The following AKAP13 variants were observed in gnomAD, a reference collection of about 807,000 sequenced individuals.
The protein encoded by AKAP13 is A-kinase anchoring protein 13.
In AKAP13, 80 loss-of-function variants were observed where a neutral mutation model predicts 264.5. The observed-to-expected ratio is 0.30, with a 90% CI of 0.25 to 0.36. The LOEUF is 0.36. Among genes scored for constraint, AKAP13 ranks in the 10% least tolerant of loss-of-function variants. The pLI is 1.00. For missense variants in AKAP13, 3,712 were observed against 3,435.2 expected, an observed-to-expected ratio of 1.08 and a Z score of -2.01; for synonymous variants, 1,380 against 1,250.2, an observed-to-expected ratio of 1.10 and a Z score of -2.19.
chr15:85,549,480 A>G (rs866907442), intron 5 of AKAP13, among the ~76,000 whole-genome samples: 11 of 152,244 alleles, frequency 7.2e-5, no homozygotes, highest in South Asian at 2.1e-4. Flanking sequence ...TTGAATGCCT[A>G]TACTGCACTA....
At chr15:85,619,711 T>C (rs1437893238) in intron 8 of AKAP13, 6 of 1,001,968 alleles carry the variant, frequency 6.0e-6, no homozygotes, top group Non-Finnish European at 7.1e-6. Context: ...CCGTTATGCT[T>C]AGCCAGTTTA....
chr15:85,458,009 G>C (rs1196625234), intron 1 of AKAP13, among the ~76,000 whole-genome samples: 1 of 151,820 alleles, frequency 6.6e-6, no homozygotes, highest in African/African-American at 2.4e-5. Context: ...GTGTGGTGGC[G>C]CCCGCCTGTA....
rs182157883 is a variant in AKAP13, at chr15:85,408,951, C to T, written c.-12+28153C>T. ...ATTTTACATTTCTAACAGCAGTGCA[C>T]AAGTGTTCCAGTTTCTCTGTACCCT... On this transcript the variant is annotated intron_variant, in intron 1 of 36. Coordinates refer to ENST00000394518, the MANE Select transcript of AKAP13 (RefSeq NM_007200.5). 1.1e-3 allele frequency among the ~76,000 whole-genome samples: 170 copies of T among 151,766 alleles called. 6 individuals are homozygous for T. Among genetic ancestry groups the T allele is most frequent in the African/African-American group, 3.9e-3 (160 of 41,070 alleles).
chr15:85,523,906 C>A (rs2076924797), intron 3 of AKAP13, among the ~76,000 whole-genome samples: 1 of 150,406 alleles, frequency 6.6e-6, no homozygotes, highest in South Asian at 2.1e-4. Context: ...TTTTGTGTAC[C>A]AGTTAGCTGC....
chr15:85,533,513 G>C, intron 3 of AKAP13, 71 bp from the exon 4 acceptor site: 1 of 1,436,566 alleles, frequency 7.0e-7, no homozygotes, highest in Non-Finnish European at 9.4e-7. Context: ...TAAGAGCTAA[G>C]AGGATCCACT....
chr15:85,737,616 G>A (rs1007928637), intron 33 of AKAP13, among the ~76,000 whole-genome samples: 9 of 152,130 alleles, frequency 5.9e-5, no homozygotes, highest in African/African-American at 2.2e-4. Flanking sequence ...ATACAGTGGA[G>A]TCCTGAAGGA....
intron 1 of AKAP13, among the ~76,000 whole-genome samples, chr15:85,432,021 A>C (rs2073043768): frequency 6.6e-6 from 1 of 152,230 alleles, no homozygotes; most frequent in Admixed American, 6.5e-5. Flanking sequence ...GAGGCTGTTT[A>C]GATGAGAGGC....
intron 8 of AKAP13, among the ~76,000 whole-genome samples, chr15:85,617,148 A>G (rs2080971782): frequency 6.6e-6 from 1 of 152,224 alleles, no homozygotes; most frequent in African/African-American, 2.4e-5. Flanking sequence ...TGCCTCCACT[A>G]GAAGTCACAA....
At chr15:85,488,221 C>T (rs939875820) in intron 2 of AKAP13, among the ~76,000 whole-genome samples, 7 of 152,160 alleles carry the variant, frequency 4.6e-5, no homozygotes, top group African/African-American at 1.7e-4. Context: ...GCTGTGTTGC[C>T]AGGCTACCTT....
Position 85,749,283 on chromosome 15 carries a change from C to G in AKAP13, c.*4606C>G, listed in dbSNP as rs963139812. The G allele has an allele frequency of 6.6e-6, 1 of 152,136 alleles. No homozygotes were observed. Among genetic ancestry groups the G allele is most frequent in the African/African-American group, 2.4e-5 (1 of 41,424 alleles). 9.4% of individuals were successfully genotyped at this position (152,136 alleles called of 1,614,324 possible). ...CTTCGTATTTTATTTATCTTTCTTT[C>G]TAGTTACCAGCTTCAGACCCTTGTA... is the stretch of plus-strand genomic sequence containing the variant. On this transcript the variant is annotated 3_prime_UTR_variant, in exon 37 of 37. Coordinates refer to ENST00000394518, the MANE Select transcript of AKAP13 (RefSeq NM_007200.5).
Position 85,741,187 on chromosome 15 carries a change from C to G in AKAP13, c.7750C>G (p.Leu2584Val). Residue 2584 changes from leucine to valine, a missense_variant, in exon 35 of 37, where the codon CTG becomes GTG. By Grantham distance (32) the Leu-to-Val change is conservative. Transcript: ENST00000394518. ...QRSLEKQRQDLANLQKQQAQY... is the reference protein window; with the variant it reads ...QRSLEKQRQDVANLQKQQAQY... ...CAGCCTGGAGAAGCAGCGCCAGGAC[C>G]TGGCCAACCTGCAGAAGCAGCAGGC... is the stretch of plus-strand genomic sequence containing the variant. 4.3e-6 allele frequency: 7 copies of G among 1,611,408 alleles called. No individual in the cohort carries two copies. The highest frequency in any genetic ancestry group is 5.1e-6 in the Non-Finnish European group (6 of 1,178,852).
chr15:85,657,871 A>G (rs946223523), intron 11 of AKAP13, among the ~76,000 whole-genome samples: 1 of 152,094 alleles, frequency 6.6e-6, no homozygotes, highest in Non-Finnish European at 1.5e-5. Flanking sequence ...TTTTCTATAC[A>G]ATCCCCTTTT....
intron 1 of AKAP13, among the ~76,000 whole-genome samples, chr15:85,425,840 T>C (rs1206027366): frequency 1.3e-5 from 2 of 152,088 alleles, no homozygotes; most frequent in Non-Finnish European, 2.9e-5. Flanking sequence ...ATAAATTTCC[T>C]TGAGCAGATG....
At chr15:85,744,466 T>C (rs756975586) in intron 36 of AKAP13, 162 bp from the exon 37 acceptor site, 2 of 734,482 alleles carry the variant, frequency 2.7e-6, no homozygotes, top group Non-Finnish European at 4.8e-6. Context: ...TTAAGAACCT[T>C]ATTAACCAAA....
At chr15:85,633,535 C>CTTTT (rs56687591) in intron 8 of AKAP13, among the ~76,000 whole-genome samples, 6 of 97,734 alleles carry the variant, frequency 6.1e-5, no homozygotes, top group Non-Finnish European at 1.1e-4. Context: ...CTTTTTTTTT[C>CTTTT]TTTTTTTTTT....
Position 85,523,974 on chromosome 15 carries a change from GCATGGAAAGTCCAGTCTT to G in AKAP13, c.181+2401_181+2418del, listed in dbSNP as rs2076927822. Among the ~76,000 whole-genome samples, 4 of 152,182 alleles carry G rather than the reference GCATGGAAAGTCCAGTCTT, an allele frequency of 2.6e-5. 1 individual carries two copies. In the South Asian group the frequency reaches 8.3e-4, roughly 32 times the overall value. On this transcript the variant is annotated intron_variant, in intron 3 of 36. Coordinates refer to ENST00000394518, the MANE Select transcript of AKAP13 (RefSeq NM_007200.5). ...GCAGTGTTAGATTAGTCAAGAATCT[GCATGGAAAGTCCAGTCTT>G]CGTGGAAAGTCCATGCAGTGCACTG...
intron 17 of AKAP13, among the ~76,000 whole-genome samples, chr15:85,696,543 C>G (rs768008313): frequency 1.1e-4 from 16 of 152,090 alleles, no homozygotes; most frequent in Non-Finnish European, 2.2e-4. Context: ...TTTTACATCC[C>G]TCCTTGCAGT....
In AKAP13 at chr15:85,575,256, A is replaced by G; in HGVS notation, c.788A>G (p.His263Arg). Residue 263 changes from histidine (H) to arginine (R), a missense_variant, in exon 6 of 37, where the codon CAT becomes CGT. Around this residue, in one of 3 missense-constraint regions of AKAP13, gnomAD observed 2,759 missense variants for 2,411.7 expected, o/e 1.14. Transcript: ENST00000394518. ...TTAACCTCTGAGTCTGATTCACATCATGAACACCCATTTCCTGGAGACGGT... is the reference window on the plus strand; with the variant it reads ...TTAACCTCTGAGTCTGATTCACATCGTGAACACCCATTTCCTGGAGACGGT... The part of the protein sequence containing the change: ...YTLTSESDSH[H>R]EHPFPGDGCT... The G allele has an allele frequency of 6.2e-7, 1 of 1,614,200 alleles. No homozygotes were observed. Among genetic ancestry groups the G allele is most frequent in the Non-Finnish European group, 8.5e-7 (1 of 1,180,020 alleles).
chr15:85,621,050 A>T (rs943339754), intron 8 of AKAP13, among the ~76,000 whole-genome samples: 8 of 152,226 alleles, frequency 5.3e-5, no homozygotes, highest in Non-Finnish European at 8.8e-5. Flanking sequence ...GTGAGGGTGT[A>T]TGTGGAGGTG....
Sources: gnomAD v4.1 joint callset for allele counts (sites outside exome capture counted in the v4.1 genomes callset) on GRCh38, gnomAD v4.1.1 for gene constraint, gnomAD v4.1.1 regional missense constraint, MANE v1.5 for transcripts, NCBI Gene and HGNC (gene_info 2026-07-23, HGNC 2026-07-21) for gene names.